The following XKR6 variants were observed in gnomAD, a reference collection of about 807,000 sequenced individuals.
The protein encoded by XKR6 is XK related 6, also known as XK-related protein 6.
XKR6 carries 22 observed loss-of-function variants against 56.7 expected under a neutral mutation model. The observed-to-expected ratio is 0.39, with a 90% CI of 0.28 to 0.55. XKR6 has a LOEUF of 0.55. Ranked by LOEUF, XKR6 falls within the 20% of genes least tolerant of loss-of-function variation. The pLI is 0.66. For missense variants in XKR6, 852 were observed against 889.0 expected (o/e 0.96, Z 0.53); for synonymous variants, 524 against 387.8 (o/e 1.35, Z -4.13).
intron 1 of XKR6, among the ~76,000 whole-genome samples, chr8:10,985,913 G>C (rs987030313): frequency 6.6e-6 from 1 of 152,194 alleles, no homozygotes; most frequent in Non-Finnish European, 1.5e-5. Flanking sequence ...GCCAGAACCA[G>C]TGGATTTTTA....
chr8:11,102,639 C>G (rs1434800934), intron 1 of XKR6, among the ~76,000 whole-genome samples: 1 of 152,126 alleles, frequency 6.6e-6, no homozygotes, highest in Non-Finnish European at 1.5e-5. Flanking sequence ...ACCGAGGCAC[C>G]AGTGTAAGTG....
chr8:11,036,128 TG>T (rs1413002775), intron 1 of XKR6, among the ~76,000 whole-genome samples: 1 of 151,638 alleles, frequency 6.6e-6, no homozygotes, highest in Non-Finnish European at 1.5e-5. Context: ...TCTTAGTTTT[TG>T]TAGAGATGGG....
intron 1 of XKR6, among the ~76,000 whole-genome samples, chr8:10,951,553 C>T (rs1038789959): frequency 1.1e-4 from 16 of 152,338 alleles, no homozygotes; most frequent in South Asian, 8.3e-4. Flanking sequence ...TTTCTGATCT[C>T]GCCCTCTTAC....
At chr8:11,120,296 C>G (rs1032515801) in intron 1 of XKR6, among the ~76,000 whole-genome samples, 1 of 152,168 alleles carries the variant, frequency 6.6e-6, no homozygotes, top group Non-Finnish European at 1.5e-5. Flanking sequence ...CCCATCGCCT[C>G]AGCCCAAAAT....
chr8:10,907,048 GA>G (rs150497159), intron 2 of XKR6, among the ~76,000 whole-genome samples: 40 of 145,420 alleles, frequency 2.8e-4, no homozygotes, highest in African/African-American at 8.3e-4. Context: ...CTCCATCTCA[GA>G]AAAAAAAAAG....
chr8:11,000,660 G>T (rs945613829), intron 1 of XKR6, among the ~76,000 whole-genome samples: 1 of 152,100 alleles, frequency 6.6e-6, no homozygotes, highest in Admixed American at 6.5e-5. Flanking sequence ...ACTCCAGTCT[G>T]GGCAAGAGAG....
chr8:10,913,588 C>T (rs770605445), intron 2 of XKR6, among the ~76,000 whole-genome samples: 1 of 152,194 alleles, frequency 6.6e-6, no homozygotes, highest in Non-Finnish European at 1.5e-5. Flanking sequence ...CACCCCTCTG[C>T]GATAGAAGAG....
chr8:10,959,412 C>A (rs1390973292), intron 1 of XKR6, among the ~76,000 whole-genome samples: 2 of 152,170 alleles, frequency 1.3e-5, no homozygotes, highest in African/African-American at 4.8e-5. Context: ...GTTGCTATAA[C>A]AAAATACCCC....
chr8:11,182,671 A>G lies in XKR6; in HGVS notation c.764+17905T>C, dbSNP rs536922473. 2.6e-5 allele frequency among the ~76,000 whole-genome samples: 4 copies of G among 152,368 alleles called. No individual in the cohort carries two copies. In the East Asian group the frequency reaches 7.7e-4, roughly 29 times the overall value. On this transcript the variant is annotated intron_variant, in intron 1 of 2. Coordinates refer to ENST00000416569, the MANE Select transcript of XKR6 (RefSeq NM_173683.4). ...GTGTGTTTCAAGTTGTAGTAGAGCT[A>G]GCAAGAAATAAAAACATCTAGAGTA... is the stretch of plus-strand genomic sequence containing the variant.
At chr8:11,073,871 G>A (rs1800197414) in intron 1 of XKR6, among the ~76,000 whole-genome samples, 1 of 152,188 alleles carries the variant, frequency 6.6e-6, no homozygotes, top group Non-Finnish European at 1.5e-5. Context: ...AATCTGGGCA[G>A]GTGACCCAGG....
At chr8:10,951,299 G>GTGTGTGTGTGTGTGT (rs762396240) in intron 1 of XKR6, among the ~76,000 whole-genome samples, 1 of 117,586 alleles carries the variant, frequency 8.5e-6, no homozygotes, top group African/African-American at 3.3e-5. Context: ...GTGTGTGTGT[G>GTGTGTGTGTGTGTGT]GGGGGGGGGG....
intron 1 of XKR6, chr8:11,104,694 T>A (rs1798611226): frequency 6.6e-6 from 1 of 152,240 alleles, no homozygotes; most frequent in East Asian, 1.9e-4. Context: ...ATTGCATCAA[T>A]TTTGGTCATT....
chr8:11,078,072 C>T (rs570954691), intron 1 of XKR6, among the ~76,000 whole-genome samples: 11 of 152,310 alleles, frequency 7.2e-5, no homozygotes, highest in African/African-American at 2.6e-4. Flanking sequence ...GCTGTTAAAG[C>T]CCTCTGGGAA....
In XKR6 at chr8:11,187,445, A is replaced by G. The variant is rs145279284; in HGVS notation, c.764+13131T>C. ...TCAAAAACATGTCAGAACTGCTGCAACACATGTCTCCGGGACATGGATTCC... is the reference window on the plus strand; with the variant it reads ...TCAAAAACATGTCAGAACTGCTGCAGCACATGTCTCCGGGACATGGATTCC... On this transcript the variant is annotated intron_variant, in intron 1 of 2. Transcript: ENST00000416569. Among the ~76,000 whole-genome samples, 43 of 152,330 alleles carry G rather than the reference A, an allele frequency of 2.8e-4. 1 individual carries two copies. The highest frequency in any genetic ancestry group is 9.9e-4 in the African/African-American group (41 of 41,570).
intron 1 of XKR6, among the ~76,000 whole-genome samples, chr8:11,103,984 T>A (rs1798581698): frequency 6.6e-6 from 1 of 152,216 alleles, no homozygotes; most frequent in African/African-American, 2.4e-5. Flanking sequence ...GGAGTAATAC[T>A]GCAAATGAAG....
chr8:11,076,498 G>C (rs915532899), intron 1 of XKR6, among the ~76,000 whole-genome samples: 1 of 152,202 alleles, frequency 6.6e-6, no homozygotes, highest in Non-Finnish European at 1.5e-5. Context: ...GGCACTAGAA[G>C]AACCCAAGGC....
At chr8:11,055,034 C>A (rs753444958) in intron 1 of XKR6, among the ~76,000 whole-genome samples, 14 of 152,160 alleles carry the variant, frequency 9.2e-5, no homozygotes, top group Middle Eastern at 3.2e-3. Flanking sequence ...CACCCAGAGG[C>A]TTTGCTTGGA....
Position 11,062,660 on chromosome 8 carries a change from A to C in XKR6, c.765-137830T>G, listed in dbSNP as rs114306792. 1.3e-3 allele frequency: 583 copies of C among 437,144 alleles called. 1 individual carries two copies. The highest frequency in any genetic ancestry group is 0.01 in the African/African-American group (497 of 49,108). 27.1% of individuals were successfully genotyped at this position (437,144 alleles called of 1,614,324 possible). ...AAAGAATCCCACAATAGTAAACATAATTACTCTTTAATGTGATCTGGTTTT... is the reference window on the plus strand; with the variant it reads ...AAAGAATCCCACAATAGTAAACATACTTACTCTTTAATGTGATCTGGTTTT... On this transcript the variant is annotated intron_variant, in intron 1 of 2. Transcript: ENST00000416569.
chr8:11,110,700 A>G (rs1798854470), intron 1 of XKR6, among the ~76,000 whole-genome samples: 1 of 152,218 alleles, frequency 6.6e-6, no homozygotes, highest in Admixed American at 6.5e-5. Flanking sequence ...AAAAAAAGAT[A>G]GCCGCTCGAG....
Sources: gnomAD v4.1 joint callset for allele counts (sites outside exome capture counted in the v4.1 genomes callset) on GRCh38, gnomAD v4.1.1 for gene constraint, MANE v1.5 for transcripts, NCBI Gene and HGNC (gene_info 2026-07-23, HGNC 2026-07-21) for gene names.